KLHL3: variants seen among roughly 807,000 people sequenced by gnomAD.
The protein encoded by KLHL3 is kelch-like protein 3.
KLHL3 carries 19 observed loss-of-function variants against 70.5 expected under a neutral mutation model. That is an observed-to-expected ratio of 0.27 (90% confidence interval 0.19 to 0.40). The LOEUF is 0.40. KLHL3 is among the 10% of genes least tolerant of loss of function. The pLI is 1.00. For synonymous variants in KLHL3, 258 were observed against 290.3 expected (o/e 0.89, Z 1.13); for missense variants, 512 against 771.1 (o/e 0.66, Z 3.98).
intron 5 of KLHL3, among the ~76,000 whole-genome samples, chr5:137,686,825 T>G (rs1752177553): frequency 6.6e-6 from 1 of 152,260 alleles, no homozygotes; most frequent in Admixed American, 6.5e-5. Flanking sequence ...CATTCCCTTC[T>G]TCTAACATCT....
At chr5:137,637,631 G>C (rs1750801863) in intron 10 of KLHL3, among the ~76,000 whole-genome samples, 1 of 152,192 alleles carries the variant, frequency 6.6e-6, no homozygotes, top group Non-Finnish European at 1.5e-5. Context: ...AAGGACAAGG[G>C]GTGTGTCTGA....
intron 5 of KLHL3, among the ~76,000 whole-genome samples, chr5:137,685,777 T>TCAACCTCC (rs1293104797): frequency 6.6e-6 from 1 of 152,178 alleles, no homozygotes; most frequent in Non-Finnish European, 1.5e-5. Flanking sequence ...GCTATCAACC[T>TCAACCTCC]CAACCTCCCA....
At chr5:137,655,994 A>G (rs1483195274) in intron 8 of KLHL3, among the ~76,000 whole-genome samples, 1 of 8,798 alleles carries the variant, frequency 1.1e-4, no homozygotes, top group Non-Finnish European at 3.5e-4. Context: ...CTGCCTCAAG[A>G]AAAAAAAAAA....
At chr5:137,666,187 A>G (rs1027229537) in intron 6 of KLHL3, among the ~76,000 whole-genome samples, 1 of 152,204 alleles carries the variant, frequency 6.6e-6, no homozygotes, top group Admixed American at 6.5e-5. Context: ...CAGAATAAGC[A>G]TGGAAGGAGA....
At chr5:137,662,068 A>G (rs773032692) in intron 6 of KLHL3, 37 bp from the exon 7 acceptor site, 2 of 1,013,360 alleles carry the variant, frequency 2.0e-6, no homozygotes, top group Non-Finnish European at 1.5e-6. Context: ...TTCAGTAAAG[A>G]GACAAAAGCT....
At chr5:137,638,902 T>A (rs781729654) in intron 10 of KLHL3, 51 bp downstream of exon 10, 1 of 1,554,894 alleles carries the variant, frequency 6.4e-7, no homozygotes, top group South Asian at 1.1e-5. Flanking sequence ...CAGGGTTGCA[T>A]GGAGGATGTG....
intron 6 of KLHL3, among the ~76,000 whole-genome samples, chr5:137,671,148 G>A (rs577477802): frequency 4.6e-5 from 7 of 152,002 alleles, no homozygotes; most frequent in African/African-American, 9.6e-5. Flanking sequence ...CATTCTCCAC[G>A]GTCCTTGATT....
At chr5:137,692,161 C>T in intron 5 of KLHL3, 124 bp downstream of exon 5, 1 of 810,670 alleles carries the variant, frequency 1.2e-6, no homozygotes, top group Non-Finnish European at 2.0e-6. Context: ...CACCTGTATC[C>T]CTAACTAAAT....
chr5:137,699,078 T>C (rs189426890), intron 3 of KLHL3, among the ~76,000 whole-genome samples: 1 of 152,150 alleles, frequency 6.6e-6, no homozygotes, highest in African/African-American at 2.4e-5. Context: ...GAGTCCATAT[T>C]TGTAACCACT....
intron 8 of KLHL3, among the ~76,000 whole-genome samples, chr5:137,654,156 T>A (rs912741363): frequency 2.0e-5 from 3 of 152,234 alleles, no homozygotes; most frequent in Non-Finnish European, 4.4e-5. Context: ...AAATATTCTA[T>A]GTTTTGATTG....
At chr5:137,679,190 A>C (rs796403154) in intron 5 of KLHL3, among the ~76,000 whole-genome samples, 2 of 150,864 alleles carry the variant, frequency 1.3e-5, no homozygotes, top group African/African-American at 4.9e-5. Flanking sequence ...GGAAGCTGGG[A>C]AAGTACTGGA....
At chr5:137,624,035 G>T (rs1490908526) in intron 14 of KLHL3, among the ~76,000 whole-genome samples, 1 of 152,106 alleles carries the variant, frequency 6.6e-6, no homozygotes, top group East Asian at 1.9e-4. Context: ...TATTACAAAT[G>T]TTTTCTCATA....
intron 12 of KLHL3, chr5:137,629,779 G>A (rs1296943257): frequency 1.1e-4 from 16 of 152,198 alleles, no homozygotes; most frequent in African/African-American, 3.9e-4. Context: ...TAACTGACAG[G>A]TTTAATAAAA....
chr5:137,681,154 G>C (rs148367914), intron 5 of KLHL3, among the ~76,000 whole-genome samples: 1 of 152,150 alleles, frequency 6.6e-6, no homozygotes, highest in Non-Finnish European at 1.5e-5. Context: ...CCTTGAGGCT[G>C]CAGGTTTCCC....
intron 5 of KLHL3, among the ~76,000 whole-genome samples, chr5:137,680,299 C>A (rs147680021): frequency 6.6e-6 from 1 of 152,110 alleles, no homozygotes. Context: ...GGTCAGAAGA[C>A]CTGGGTTCAT....
chr5:137,634,114 C>T lies in KLHL3; in HGVS notation c.1373G>A (p.Ser458Asn). ...CGCTGGGTTGTACTGCTCCACAGTG[C>T]TCAGACACTGGCGGGAAGCTCCATC... ...GYDGASRQCL[S>N]TVEQYNPATN... The change falls in exon 12 of 15, where the codon AGC becomes AAC. Residue 458 changes from serine to asparagine, a missense_variant. Physicochemically the swap from Ser to Asn is conservative, Grantham distance 46. Transcript: ENST00000309755. The T allele has an allele frequency of 1.2e-6, 2 of 1,613,972 alleles. No individual in the cohort carries two copies. Among genetic ancestry groups the T allele is most frequent in the South Asian group, 2.2e-5 (2 of 91,050 alleles).
At chr5:137,686,638 C>G (rs1448407473) in intron 5 of KLHL3, among the ~76,000 whole-genome samples, 1 of 152,178 alleles carries the variant, frequency 6.6e-6, no homozygotes, top group African/African-American at 2.4e-5. Flanking sequence ...CCTGCACTTA[C>G]AGTAGAGTGA....
At chr5:137,646,569 C>T (rs1392721645) in intron 8 of KLHL3, among the ~76,000 whole-genome samples, 2 of 152,174 alleles carry the variant, frequency 1.3e-5, no homozygotes, top group African/African-American at 4.8e-5. Flanking sequence ...TGTATCACAT[C>T]TCTGAAATCA....
intron 2 of KLHL3, among the ~76,000 whole-genome samples, chr5:137,711,905 A>C (rs1041170719): frequency 1.6e-4 from 25 of 151,994 alleles, no homozygotes; most frequent in African/African-American, 5.3e-4. Flanking sequence ...AAGAATAACC[A>C]CACTTTGGGA....
Sources: allele counts gnomAD v4.1 joint callset (sites outside exome capture counted in the v4.1 genomes callset), GRCh38; gene constraint gnomAD v4.1.1; transcripts MANE v1.5; gene names NCBI Gene and HGNC (gene_info 2026-07-23, HGNC 2026-07-21).